Variants in SAMMSON observed in about 807,000 individuals in gnomAD.
SAMMSON encodes the protein long intergenic non-protein coding RNA 1212.
intron 2 of SAMMSON, among the ~76,000 whole-genome samples, chr3:70,413,727 C>A (rs1389438805): frequency 2.0e-5 from 3 of 151,894 alleles, no homozygotes; most frequent in Non-Finnish European, 2.9e-5. Flanking sequence ...GTATAAATAG[C>A]ATGTCAAAAA....
intron 2 of SAMMSON, among the ~76,000 whole-genome samples, chr3:70,428,336 G>A (rs910806784): frequency 3.3e-5 from 5 of 152,038 alleles, no homozygotes; most frequent in Non-Finnish European, 7.4e-5. Context: ...AATACTACCC[G>A]ATTTCAAGAA....
intron 4 of SAMMSON, among the ~76,000 whole-genome samples, chr3:70,081,935 G>A (rs999597058): frequency 2.6e-5 from 4 of 152,214 alleles, no homozygotes; most frequent in African/African-American, 9.6e-5. Flanking sequence ...GGTAAGGAGT[G>A]TAGCCAAAAT....
intron 1 of SAMMSON, among the ~76,000 whole-genome samples, chr3:70,008,951 G>A (rs1200973624): frequency 6.6e-5 from 10 of 152,216 alleles, no homozygotes; most frequent in Admixed American, 6.5e-4. Flanking sequence ...TTATTGATTT[G>A]CATATGTTGA....
chr3:70,130,262 C>T (rs978230235), intron 4 of SAMMSON, among the ~76,000 whole-genome samples: 11 of 152,162 alleles, frequency 7.2e-5, no homozygotes, highest in African/African-American at 2.7e-4. Flanking sequence ...TGAGGAGCCA[C>T]GTCTGTCTGT....
intron 4 of SAMMSON, among the ~76,000 whole-genome samples, chr3:70,171,228 A>G (rs143618078): frequency 1.3e-5 from 2 of 151,966 alleles, no homozygotes; most frequent in African/African-American, 2.4e-5. Flanking sequence ...AGGACACTTT[A>G]TGAACATCAA....
At chr3:70,137,222 C>A (rs147879084) in intron 4 of SAMMSON, among the ~76,000 whole-genome samples, 2 of 152,072 alleles carry the variant, frequency 1.3e-5, no homozygotes, top group African/African-American at 4.8e-5. Flanking sequence ...GCTCTACATA[C>A]TACTTTGCAA....
chr3:70,062,016 C>G (rs1265398631), intron 3 of SAMMSON, among the ~76,000 whole-genome samples: 3 of 152,138 alleles, frequency 2.0e-5, no homozygotes, highest in African/African-American at 7.2e-5. Context: ...GATCCCTGGC[C>G]TTAGTCTTCA....
chr3:70,363,796 TTGTC>T (rs1702895902), intron 9 of SAMMSON, among the ~76,000 whole-genome samples: 1 of 74,020 alleles, frequency 1.4e-5, no homozygotes, highest in South Asian at 5.5e-4. Flanking sequence ...TGTTATTGCA[TTGTC>T]TGTGTGTGTG....
intron 4 of SAMMSON, among the ~76,000 whole-genome samples, chr3:70,096,821 G>T (rs769944211): frequency 3.3e-5 from 5 of 152,162 alleles, no homozygotes; most frequent in Non-Finnish European, 7.3e-5. Context: ...GTCTAGAATA[G>T]CGTTGATCAA....
chr3:70,042,031 G>A (rs543648347), intron 3 of SAMMSON, among the ~76,000 whole-genome samples: 2 of 152,150 alleles, frequency 1.3e-5, no homozygotes, highest in Admixed American at 1.3e-4. Context: ...TTTGAAGGAG[G>A]GAAGATGGAT....
intron 3 of SAMMSON, chr3:70,069,313 A>G (rs2067221415): frequency 6.6e-6 from 1 of 152,112 alleles, no homozygotes; most frequent in Admixed American, 6.6e-5. Context: ...TGACAATTTC[A>G]CAAATGCTTA....
intron 4 of SAMMSON, among the ~76,000 whole-genome samples, chr3:70,135,969 G>C (rs182950479): frequency 3.6e-4 from 53 of 146,024 alleles, no homozygotes; most frequent in Non-Finnish European, 7.0e-4. Context: ...CTGATTTGTC[G>C]GTTGTTATAG....
chr3:70,413,090 A>G (rs763549013), intron 2 of SAMMSON, among the ~76,000 whole-genome samples: 1 of 152,150 alleles, frequency 6.6e-6, no homozygotes, highest in Non-Finnish European at 1.5e-5. Flanking sequence ...TTACTTAAGG[A>G]AACTAGAAAT....
At chr3:70,336,814 T>TGTG (rs1408587252) in intron 7 of SAMMSON, among the ~76,000 whole-genome samples, 3 of 126,658 alleles carry the variant, frequency 2.4e-5, no homozygotes, top group African/African-American at 8.9e-5. Flanking sequence ...AATAGAAAGT[T>TGTG]TGTGTGTGTG....
intron 4 of SAMMSON, among the ~76,000 whole-genome samples, chr3:70,224,717 G>GTT (rs540424878): frequency 2.4e-3 from 364 of 148,782 alleles, no homozygotes; most frequent in Non-Finnish European, 4.7e-3. Context: ...TTCACCCTTG[G>GTT]TTTTTTTTTT....
intron 4 of SAMMSON, among the ~76,000 whole-genome samples, chr3:70,191,917 T>C (rs1235613394): frequency 6.7e-6 from 1 of 148,576 alleles, no homozygotes; most frequent in East Asian, 2.0e-4. Flanking sequence ...AATAATAAAA[T>C]CTACTTTAGA....
intron 7 of SAMMSON, among the ~76,000 whole-genome samples, chr3:70,321,401 A>G (rs1702537749): frequency 6.6e-6 from 1 of 152,100 alleles, no homozygotes; most frequent in South Asian, 2.1e-4. Context: ...CTGGAGATTC[A>G]TCCACACTGT....
chr3:70,380,648 C>T (rs947353148), intron 9 of SAMMSON, among the ~76,000 whole-genome samples: 27 of 151,926 alleles, frequency 1.8e-4, no homozygotes, highest in African/African-American at 6.0e-4. Flanking sequence ...CCTATTAACT[C>T]GTCATTTAAC....
chr3:70,031,783 A>T (rs769616042), intron 3 of SAMMSON, among the ~76,000 whole-genome samples: 2 of 152,164 alleles, frequency 1.3e-5, no homozygotes, highest in Non-Finnish European at 2.9e-5. Flanking sequence ...CGATGATGAG[A>T]CATTAAAACA....
Sources: gnomAD v4.1 joint callset for allele counts (sites outside exome capture counted in the v4.1 genomes callset) on GRCh38, gnomAD v4.1.1 for gene constraint, MANE v1.5 for transcripts, NCBI Gene and HGNC (gene_info 2026-07-23, HGNC 2026-07-21) for gene names.